Variants in PCDHGB1 observed in about 807,000 individuals in gnomAD.
PCDHGB1 encodes the protein protocadherin gamma-B1.
In PCDHGB1, 34 loss-of-function variants were observed where a neutral mutation model predicts 56.6. The observed-to-expected ratio is 0.60, with a 90% CI of 0.46 to 0.80. The LOEUF is 0.80. PCDHGB1 is among the 30% of genes least tolerant of loss of function. The pLI is 0.00. For missense variants in PCDHGB1, 1,278 were observed against 1,204.6 expected (o/e 1.06, Z -0.90); for synonymous variants, 561 against 505.9 (o/e 1.11, Z -1.46).
rs188117490 is a variant in PCDHGB1 at position 141,507,256 on chromosome 5, C to G, written c.2557+1775C>G. 3 of 152,178 alleles carry G rather than the reference C, an allele frequency of 2.0e-5. No individual in the cohort carries two copies. In the East Asian group the frequency reaches 5.8e-4, roughly 29 times the overall value. The allele number at this position is 152,178 out of a possible 1,614,324, so 9.4% of individuals were successfully genotyped here. ...CAGTTACAGTTGAATGTCAGATAAA[C>G]AGCAAGTACTATTTCAGCATAAGTC... On this transcript the variant is annotated intron_variant, in intron 3 of 3. Coordinates refer to ENST00000523390, the MANE Select transcript of PCDHGB1 (RefSeq NM_018922.3).
intron 1 of PCDHGB1, chr5:141,410,075 GAGGTGCGCAC>G: frequency 6.2e-7 from 1 of 1,612,898 alleles, no homozygotes; most frequent in East Asian, 2.2e-5. Context: ...GCGCACTGGG[GAGGTGCGCAC>G]GGCTCGAGCC....
chr5:141,481,733 C>A (rs2099543522), intron 1 of PCDHGB1, among the ~76,000 whole-genome samples: 1 of 152,078 alleles, frequency 6.6e-6, no homozygotes, highest in Admixed American at 6.6e-5. Context: ...GCGGGCGGAT[C>A]ACGAGGTCAG....
At chr5:141,417,602 C>G in intron 1 of PCDHGB1, 1 of 510,170 alleles carries the variant, frequency 2.0e-6, no homozygotes, top group Middle Eastern at 5.2e-4. Context: ...TGGGCGCCGC[C>G]GTCGGCCAGT....
intron 2 of PCDHGB1, among the ~76,000 whole-genome samples, chr5:141,497,023 G>A (rs1271608156): frequency 1.3e-5 from 2 of 151,912 alleles, no homozygotes; most frequent in Non-Finnish European, 2.9e-5. Flanking sequence ...ACCCCATCTC[G>A]ATTAAAAATA....
intron 1 of PCDHGB1, chr5:141,371,313 C>G: frequency 6.2e-7 from 1 of 1,613,964 alleles, no homozygotes; most frequent in Non-Finnish European, 8.5e-7. Context: ...TATTGGAGAA[C>G]TGGACTTTGA....
At chr5:141,382,344 A>T (rs1323658613) in intron 1 of PCDHGB1, among the ~76,000 whole-genome samples, 1 of 152,224 alleles carries the variant, frequency 6.6e-6, no homozygotes, top group Non-Finnish European at 1.5e-5. Context: ...AAAATCTTTC[A>T]TATGTATTTA....
intron 1 of PCDHGB1, chr5:141,393,025 G>A (rs1307917992): frequency 6.2e-7 from 1 of 1,613,864 alleles, no homozygotes; most frequent in Non-Finnish European, 8.5e-7. Flanking sequence ...TCCAGAGGTA[G>A]GACGCAGCTC....
intron 1 of PCDHGB1, chr5:141,428,729 A>T (rs1362138016): frequency 6.3e-6 from 1 of 159,768 alleles, no homozygotes; most frequent in East Asian, 1.8e-4. Flanking sequence ...AATCTTAAAC[A>T]TATTATATCT....
chr5:141,435,260 T>C (rs1591368331), intron 1 of PCDHGB1, among the ~76,000 whole-genome samples: 1 of 152,236 alleles, frequency 6.6e-6, no homozygotes, highest in African/African-American at 2.4e-5. Context: ...TAGGGATATG[T>C]CCATTTATAC....
At chr5:141,457,878 C>A (rs1263626843) in intron 1 of PCDHGB1, among the ~76,000 whole-genome samples, 1 of 152,190 alleles carries the variant, frequency 6.6e-6, no homozygotes, top group East Asian at 1.9e-4. Context: ...GGTTAGGAAC[C>A]CTGTGTGGGG....
intron 1 of PCDHGB1, among the ~76,000 whole-genome samples, chr5:141,437,390 A>T (rs1422429346): frequency 6.6e-6 from 1 of 152,248 alleles, no homozygotes; most frequent in Non-Finnish European, 1.5e-5. Flanking sequence ...ACATTCATCC[A>T]CTGCTTTCAT....
Position 141,364,575 on chromosome 5 carries a change from G to A in PCDHGB1, c.2409+11906G>A, listed in dbSNP as rs372313739. On this transcript the variant is annotated intron_variant, in intron 1 of 3. Coordinates refer to ENST00000523390, the MANE Select transcript of PCDHGB1 (RefSeq NM_018922.3). ...CTTTTTGCCCTGAACCCGCGAAGCG[G>A]CAGCTTGGTCACCGCGGGCAGGATA... is the stretch of plus-strand genomic sequence containing the variant. 1.7e-5 allele frequency: 27 copies of A among 1,614,070 alleles called. No individual in the cohort carries two copies. The Middle Eastern group carries it at 4.9e-4, about 29-fold the overall frequency.
At position 141,375,371 on chromosome 5, in the gene PCDHGB1, C is replaced by A. The variant is rs776202756; in HGVS notation, c.2409+22702C>A. On this transcript the variant is annotated intron_variant, in intron 1 of 3. Coordinates refer to ENST00000523390, the MANE Select transcript of PCDHGB1 (RefSeq NM_018922.3). ...TGTGACAGCCACGGACAAAGGAACA[C>A]CACCTCTGTCTACAGAAACAATCAT... is the stretch of plus-strand genomic sequence containing the variant. 6.2e-7 allele frequency: 1 copy of A among 1,613,880 alleles called. No individual in the cohort carries two copies. The highest frequency in any genetic ancestry group is 1.3e-5 in the African/African-American group (1 of 75,046).
intron 1 of PCDHGB1, among the ~76,000 whole-genome samples, chr5:141,480,959 C>A (rs1476891394): frequency 1.3e-5 from 2 of 152,086 alleles, no homozygotes; most frequent in East Asian, 3.8e-4. Flanking sequence ...GCGGAAGCAT[C>A]AGTGAGGGAG....
At chr5:141,414,856 G>C (rs1269714202) in intron 1 of PCDHGB1, 2 of 1,614,216 alleles carry the variant, frequency 1.2e-6, no homozygotes, top group Non-Finnish European at 8.5e-7. Flanking sequence ...GGACCAGAAC[G>C]ACAATGCGCC....
chr5:141,410,640 G>A (rs747132686), intron 1 of PCDHGB1: 1 of 1,599,056 alleles, frequency 6.3e-7, no homozygotes, highest in Non-Finnish European at 8.5e-7. Flanking sequence ...TCTTTTTTGT[G>A]TGTGATTTAT....
chr5:141,471,394 G>A (rs1349459242), intron 1 of PCDHGB1: 1 of 152,056 alleles, frequency 6.6e-6, no homozygotes, highest in Non-Finnish European at 1.5e-5. Context: ...TACAAGTTAC[G>A]TAGCTAGGCT....
At chr5:141,474,524 C>G (rs1260642402) in intron 1 of PCDHGB1, among the ~76,000 whole-genome samples, 1 of 152,170 alleles carries the variant, frequency 6.6e-6, no homozygotes, top group Non-Finnish European at 1.5e-5. Flanking sequence ...GCTGGTCTGG[C>G]TAATTATCAA....
In PCDHGB1 at chr5:141,476,331, C is replaced by T; in HGVS notation, c.2410-18476C>T. On this transcript the variant is annotated intron_variant, in intron 1 of 3. Transcript: ENST00000523390. This position sits in a 1 kb window ranked among gnomAD's most constrained non-coding sequence, Gnocchi z 7.6. Reference sequence around the variant, plus strand: ...CGCAGGTTCCGGGTGGTGTCTGGAGCTAGCCGAAGATTCTTTGAGGTGAAC... The same window carrying T: ...CGCAGGTTCCGGGTGGTGTCTGGAGTTAGCCGAAGATTCTTTGAGGTGAAC... 1.2e-6 allele frequency: 2 copies of T among 1,614,156 alleles called. No individual in the cohort carries two copies. Among genetic ancestry groups the T allele is most frequent in the Non-Finnish European group, 1.7e-6 (2 of 1,180,042 alleles).
Sources: gnomAD v4.1 joint callset for allele counts (sites outside exome capture counted in the v4.1 genomes callset) on GRCh38, gnomAD v4.1.1 for gene constraint, Gnocchi (gnomAD v3.1) non-coding constraint, MANE v1.5 for transcripts, NCBI Gene and HGNC (gene_info 2026-07-23, HGNC 2026-07-21) for gene names.